The following ARB2A variants were observed in gnomAD, a reference collection of about 807,000 sequenced individuals.
The protein encoded by ARB2A is cotranscriptional regulator ARB2A.
the ARB2A span, among the ~76,000 whole-genome samples, chr5:94,066,282 GAGA>G: frequency 6.6e-6 from 1 of 151,766 alleles, no homozygotes; most frequent in Non-Finnish European, 1.5e-5. Context: ...CCTCAATGAA[GAGA>G]AGAAAAAACC....
the ARB2A span, among the ~76,000 whole-genome samples, chr5:94,045,021 A>G: frequency 6.8e-6 from 1 of 146,460 alleles, no homozygotes; most frequent in Non-Finnish European, 1.5e-5. Context: ...TGGGAGACTG[A>G]GGTAAGAGAA....
At chr5:93,940,154 T>G in the ARB2A span, among the ~76,000 whole-genome samples, 1 of 152,104 alleles carries the variant, frequency 6.6e-6, no homozygotes, top group African/African-American at 2.4e-5. Context: ...GACATCTGAA[T>G]GCATACTTAT....
At chr5:93,635,438 T>A in the ARB2A span, among the ~76,000 whole-genome samples, 3 of 151,728 alleles carry the variant, frequency 2.0e-5, no homozygotes, top group East Asian at 5.8e-4. Flanking sequence ...TTTCAGTATT[T>A]TCTATACAGT....
chr5:93,976,112 T>C, the ARB2A span, among the ~76,000 whole-genome samples: 4 of 152,166 alleles, frequency 2.6e-5, no homozygotes, highest in African/African-American at 7.2e-5. Flanking sequence ...ATGTGATTCA[T>C]TACATAAATA....
the ARB2A span, among the ~76,000 whole-genome samples, chr5:94,071,433 G>T: frequency 2.0e-5 from 3 of 151,966 alleles, no homozygotes; most frequent in Non-Finnish European, 4.4e-5. Context: ...CCCTACGAAA[G>T]ACCTGTTAAG....
the ARB2A span, among the ~76,000 whole-genome samples, chr5:93,763,788 A>G: frequency 6.6e-6 from 1 of 152,182 alleles, no homozygotes; most frequent in African/African-American, 2.4e-5. Flanking sequence ...AATTCACCAC[A>G]CAGTTGGAAG....
At chr5:93,916,439 T>G in the ARB2A span, among the ~76,000 whole-genome samples, 7 of 152,194 alleles carry the variant, frequency 4.6e-5, no homozygotes, top group African/African-American at 1.7e-4. Flanking sequence ...ACTAATATTA[T>G]GTATTATCTA....
At chr5:93,814,885 T>C in the ARB2A span, among the ~76,000 whole-genome samples, 1 of 152,360 alleles carries the variant, frequency 6.6e-6, no homozygotes, top group South Asian at 2.1e-4. Context: ...TTGCCCAGGC[T>C]GGAGTGTGGT....
the ARB2A span, among the ~76,000 whole-genome samples, chr5:93,879,313 A>G: frequency 6.6e-6 from 1 of 152,190 alleles, no homozygotes; most frequent in Non-Finnish European, 1.5e-5. Flanking sequence ...GCAAAATTCC[A>G]GAAGATTTTA....
chr5:93,670,894 A>T, the ARB2A span, among the ~76,000 whole-genome samples: 1 of 152,204 alleles, frequency 6.6e-6, no homozygotes, highest in African/African-American at 2.4e-5. Context: ...TACTATTTAA[A>T]ATAATTCTCT....
chr5:94,048,786 A>G, the ARB2A span, among the ~76,000 whole-genome samples: 38 of 152,168 alleles, frequency 2.5e-4, no homozygotes, highest in Non-Finnish European at 5.1e-4. Context: ...ATCCTGGACA[A>G]CAAACTAATC....
At chr5:94,042,497 GGTTTTCACCGT>G in the ARB2A span, among the ~76,000 whole-genome samples, 2 of 151,888 alleles carry the variant, frequency 1.3e-5, no homozygotes, top group South Asian at 2.1e-4. Context: ...AGTAGAGATG[GGTTTTCACCGT>G]GTTAGCCAGG....
At chr5:93,845,951 A>G in the ARB2A span, among the ~76,000 whole-genome samples, 1 of 151,838 alleles carries the variant, frequency 6.6e-6, no homozygotes, top group African/African-American at 2.4e-5. Flanking sequence ...CAACTTTGGG[A>G]TGATCATTTA....
At chr5:93,622,853 A>G in the ARB2A span, among the ~76,000 whole-genome samples, 1 of 151,828 alleles carries the variant, frequency 6.6e-6, no homozygotes, top group Non-Finnish European at 1.5e-5. Flanking sequence ...TTCTTGGGGG[A>G]AAATTATATA....
chr5:93,890,743 T>G, the ARB2A span, among the ~76,000 whole-genome samples: 2 of 152,024 alleles, frequency 1.3e-5, no homozygotes, highest in African/African-American at 4.8e-5. Context: ...TCATACAGGC[T>G]CTACTAGAAA....
the ARB2A span, among the ~76,000 whole-genome samples, chr5:93,742,439 A>C: frequency 6.6e-6 from 1 of 151,954 alleles, no homozygotes; most frequent in Admixed American, 6.5e-5. Flanking sequence ...CCCTTATCCC[A>C]CCAGAAACCC....
the ARB2A span, among the ~76,000 whole-genome samples, chr5:93,759,808 T>C: frequency 3.9e-5 from 6 of 152,080 alleles, no homozygotes; most frequent in Non-Finnish European, 8.8e-5. Flanking sequence ...TGGAGAAAAG[T>C]GGAAAGCATT....
chr5:93,997,608 G>A, the ARB2A span, among the ~76,000 whole-genome samples: 1 of 151,948 alleles, frequency 6.6e-6, no homozygotes, highest in South Asian at 2.1e-4. Context: ...TCTTTGAAAT[G>A]CATCAATTGT....
chr5:94,073,157 T>A, the ARB2A span, among the ~76,000 whole-genome samples: 1 of 152,134 alleles, frequency 6.6e-6, no homozygotes, highest in Non-Finnish European at 1.5e-5. Flanking sequence ...TTGAATAAAC[T>A]CAAGAATAAA....
Sources: gnomAD v4.1 joint callset for allele counts (sites outside exome capture counted in the v4.1 genomes callset) on GRCh38, gnomAD v4.1.1 for gene constraint, MANE v1.5 for transcripts, NCBI Gene and HGNC (gene_info 2026-07-23, HGNC 2026-07-21) for gene names.